PRKAG2: variants seen among roughly 807,000 people sequenced by gnomAD.
The protein encoded by PRKAG2 is 5'-AMP-activated protein kinase subunit gamma-2.
Under a neutral mutation model 69.6 loss-of-function variants are expected in PRKAG2, and 26 were observed. That is an observed-to-expected ratio of 0.37 (90% CI 0.27 to 0.52). PRKAG2 has a LOEUF of 0.52. Among genes scored for constraint, PRKAG2 ranks in the 20% least tolerant of loss-of-function variants. The pLI is 0.90. For synonymous variants in PRKAG2, 293 were observed against 285.0 expected (o/e 1.03, Z -0.28); for missense variants, 557 against 740.0 (o/e 0.75, Z 2.87).
rs950192583 is a variant in PRKAG2, at chr7:151,638,014, G to A, written c.685-5876C>T. On this transcript the variant is annotated intron_variant, in intron 4 of 15. Transcript: ENST00000287878. This position sits in a 1 kb window ranked among gnomAD's most constrained non-coding sequence, Gnocchi z 4.3. ...GGAAGGGGCGTGCACTTGTGACACC[G>A]ACTCCTCTCTCAGTCCATCAGCATC... 2.0e-5 allele frequency among the ~76,000 whole-genome samples: 3 copies of A among 152,148 alleles called. No individual in the cohort carries two copies. Among genetic ancestry groups the A allele is most frequent in the Admixed American group, 6.5e-5 (1 of 15,274 alleles).
chr7:151,720,348 GGA>G (rs1276139797), intron 3 of PRKAG2, among the ~76,000 whole-genome samples: 1 of 151,928 alleles, frequency 6.6e-6, no homozygotes, highest in East Asian at 1.9e-4. Flanking sequence ...ACCCTAGATA[GGA>G]GAGTCTACCT....
intron 3 of PRKAG2, among the ~76,000 whole-genome samples, chr7:151,744,712 C>T (rs1016887422): frequency 2.0e-4 from 30 of 152,186 alleles, no homozygotes; most frequent in Non-Finnish European, 3.5e-4. Context: ...TCCCTCCATG[C>T]GCCTCCATTC....
intron 6 of PRKAG2, among the ~76,000 whole-genome samples, chr7:151,592,133 G>A (rs1305297704): frequency 6.6e-6 from 1 of 152,166 alleles, no homozygotes; most frequent in Non-Finnish European, 1.5e-5. Context: ...CCCCTACCTC[G>A]ATCCACACCC....
chr7:151,808,329 CACAAGGATTT>C (rs1288921585), intron 1 of PRKAG2, among the ~76,000 whole-genome samples: 3 of 152,028 alleles, frequency 2.0e-5, no homozygotes, highest in African/African-American at 7.3e-5. Flanking sequence ...TTTGCAATTG[CACAAGGATTT>C]ACTTATCTCT....
intron 3 of PRKAG2, among the ~76,000 whole-genome samples, chr7:151,697,400 C>T (rs551749154): frequency 6.6e-5 from 10 of 152,016 alleles, no homozygotes; most frequent in East Asian, 5.8e-4. Flanking sequence ...GGGCCGAGCC[C>T]GGGAGCCCTC....
chr7:151,583,402 G>A lies in PRKAG2; in HGVS notation c.865-6950C>T, dbSNP rs1026823338. Among the ~76,000 whole-genome samples the A allele has an allele frequency of 6.6e-6, 1 of 152,116 alleles. No individual in the cohort carries two copies. On this transcript the variant is annotated intron_variant, in intron 6 of 15. Transcript: ENST00000287878. The surrounding 1 kb of genome is among the most constrained non-coding windows in gnomAD (Gnocchi z 4.1). The stretch of plus-strand genomic sequence containing the variant: ...AGAGATCTCATATAATATTCCAAAC[G>A]GACATGATACTCGTACAATGCATTA...
At chr7:151,675,686 G>A (rs1832809312) in intron 3 of PRKAG2, 49 bp from the exon 4 acceptor site, 1 of 1,538,344 alleles carries the variant, frequency 6.5e-7, no homozygotes, top group South Asian at 1.1e-5. Flanking sequence ...TCCAGGAAGG[G>A]ACGTCGGGGG....
chr7:151,803,441 G>A (rs1016902184), intron 1 of PRKAG2, among the ~76,000 whole-genome samples: 1 of 152,122 alleles, frequency 6.6e-6, no homozygotes, highest in Non-Finnish European at 1.5e-5. Context: ...GAGCAGCAGT[G>A]GCTCACACCA....
chr7:151,721,509 G>T (rs936224955), intron 3 of PRKAG2, among the ~76,000 whole-genome samples: 2 of 152,108 alleles, frequency 1.3e-5, no homozygotes, highest in Middle Eastern at 3.2e-3. Flanking sequence ...AGAACCGAGG[G>T]TGACCAGCCA....
At chr7:151,736,534 T>C (rs1373066868) in intron 3 of PRKAG2, 1 of 419,656 alleles carries the variant, frequency 2.4e-6, no homozygotes, top group Non-Finnish European at 3.2e-6. Flanking sequence ...AGACAATTCT[T>C]GGCACCAATT....
intron 6 of PRKAG2, among the ~76,000 whole-genome samples, chr7:151,592,273 T>TAC (rs1181606321): frequency 6.6e-6 from 1 of 152,202 alleles, no homozygotes; most frequent in African/African-American, 2.4e-5. Flanking sequence ...CAGTGGGGAT[T>TAC]ACATCCCCCA....
intron 3 of PRKAG2, among the ~76,000 whole-genome samples, chr7:151,692,575 T>TA (rs397947131): frequency 2.0e-5 from 3 of 151,956 alleles, no homozygotes; most frequent in Non-Finnish European, 4.4e-5. Context: ...CATTTTTTTT[T>TA]AAAAGGGTGA....
intron 1 of PRKAG2, among the ~76,000 whole-genome samples, chr7:151,866,667 A>T (rs2080086124): frequency 6.6e-6 from 1 of 152,176 alleles, no homozygotes; most frequent in Admixed American, 6.5e-5. Context: ...ATAGATGAGG[A>T]TGGGGCCCAG....
At chr7:151,578,096 T>G (rs1809423689) in intron 6 of PRKAG2, among the ~76,000 whole-genome samples, 1 of 150,862 alleles carries the variant, frequency 6.6e-6, no homozygotes, top group Non-Finnish European at 1.5e-5. Flanking sequence ...ATCCTAGCAC[T>G]CTGGGAGGCC....
chr7:151,627,480 G>A (rs542959396), intron 5 of PRKAG2, among the ~76,000 whole-genome samples: 1 of 151,948 alleles, frequency 6.6e-6, no homozygotes, highest in Non-Finnish European at 1.5e-5. Flanking sequence ...ACAAAAATTA[G>A]CCAGGCATGC....
chr7:151,678,108 T>G (rs1833246021), intron 3 of PRKAG2, among the ~76,000 whole-genome samples: 1 of 152,174 alleles, frequency 6.6e-6, no homozygotes, highest in South Asian at 2.1e-4. Context: ...TCCCTCCTGC[T>G]CCATCCTCAT....
Position 151,814,563 on chromosome 7 carries a change from T to C in PRKAG2, c.115-28022A>G. The C allele has an allele frequency of 1.6e-6, 2 of 1,231,698 alleles. No individual in the cohort carries two copies. Among genetic ancestry groups the C allele is most frequent in the Middle Eastern group, 3.1e-4 (1 of 3,208 alleles). 76.3% of individuals were successfully genotyped at this position (1,231,698 alleles called of 1,614,324 possible). A position where few individuals can be genotyped will look rare whatever the true frequency, so the allele number is the denominator to read the frequency against. On this transcript the variant is annotated intron_variant, in intron 1 of 15. Transcript: ENST00000287878. This position sits in a 1 kb window ranked among gnomAD's most constrained non-coding sequence, Gnocchi z 4.8. ...CCTGCTGCCTCACTCGAAAGGTCCATCAGAGAAGGGGTTTCCCAGCCCCTT... is the reference window on the plus strand; with the variant it reads ...CCTGCTGCCTCACTCGAAAGGTCCACCAGAGAAGGGGTTTCCCAGCCCCTT...
intron 3 of PRKAG2, among the ~76,000 whole-genome samples, chr7:151,763,555 C>G (rs2075558323): frequency 6.6e-6 from 1 of 152,228 alleles, no homozygotes; most frequent in Non-Finnish European, 1.5e-5. Context: ...AGCCACTGCC[C>G]CACACGCTTT....
At chr7:151,592,150 G>A (rs1813345930) in intron 6 of PRKAG2, among the ~76,000 whole-genome samples, 1 of 152,160 alleles carries the variant, frequency 6.6e-6, no homozygotes, top group Admixed American at 6.5e-5. Context: ...ACCCAGACTC[G>A]GGGGAGCTCC....
Sources: allele counts gnomAD v4.1 joint callset (sites outside exome capture counted in the v4.1 genomes callset), GRCh38; gene constraint gnomAD v4.1.1; non-coding constraint Gnocchi (gnomAD v3.1); transcripts MANE v1.5; gene names NCBI Gene and HGNC (gene_info 2026-07-23, HGNC 2026-07-21).